TNFRSF10C: variants seen among roughly 807,000 people sequenced by gnomAD.
The protein encoded by TNFRSF10C is TNF receptor superfamily member 10c, also known as tumor necrosis factor receptor superfamily member 10C.
Under a neutral mutation model 16.7 loss-of-function variants are expected in TNFRSF10C, and 17 were observed. The ratio of observed to expected loss-of-function variants is 1.02; its 90% CI spans 0.70 to 1.53. TNFRSF10C has a LOEUF of 1.53. Ranked by LOEUF, TNFRSF10C falls within the 40% of genes most tolerant of loss-of-function variation. The probability of loss-of-function intolerance (pLI) is 0.00; values close to 1 mark genes in which losing one functional copy is unlikely to be tolerated. For synonymous variants in TNFRSF10C, 73 were observed against 119.7 expected (o/e 0.61, Z 2.55); for missense variants, 237 against 329.7 (o/e 0.72, Z 2.18).
chr8:23,115,733 T>TCCAGACCATGGGGGGGGG, intron 4 of TNFRSF10C, 117 bp downstream of exon 4: 1 of 749,068 alleles, frequency 1.3e-6, no homozygotes, highest in African/African-American at 1.8e-5. Flanking sequence ...GGGGTGTCCC[T>TCCAGACCATGGGGGGGGG]GAGCCTGTGG....
intron 1 of TNFRSF10C, among the ~76,000 whole-genome samples, chr8:23,107,426 C>T (rs962891762): frequency 6.6e-6 from 1 of 152,058 alleles, no homozygotes; most frequent in African/African-American, 2.4e-5. Context: ...GGTGGTAGTT[C>T]CACAATGTAT....
chr8:23,105,139 A>G (rs1813752436), intron 1 of TNFRSF10C, among the ~76,000 whole-genome samples: 1 of 152,198 alleles, frequency 6.6e-6, no homozygotes, highest in Non-Finnish European at 1.5e-5. Context: ...CAGGCTGTCA[A>G]GGACTCCTGA....
chr8:23,117,084 G>T lies in TNFRSF10C; in HGVS notation c.*53G>T. 1 of 1,587,830 alleles carries T rather than the reference G, an allele frequency of 6.3e-7. No individual in the cohort carries two copies. The highest frequency in any genetic ancestry group is 8.6e-7 in the Non-Finnish European group (1 of 1,168,404). On this transcript the variant is annotated 3_prime_UTR_variant, in exon 5 of 5. Coordinates refer to ENST00000356864, the MANE Select transcript of TNFRSF10C (RefSeq NM_003841.5). ...CCTTACCTGAAAGGTTCAGGTAGGC[G>T]CTGGCTGAGGGCGGGGGGCGCTGGA...
rs995540240 is a variant in TNFRSF10C at position 23,108,153 on chromosome 8, A to AGAACAGGAAGGAAAGGAAG, written c.61-3541_61-3523dup. Among the ~76,000 whole-genome samples the AGAACAGGAAGGAAAGGAAG allele has an allele frequency of 3.9e-5, 6 of 152,252 alleles. No homozygotes were observed. In the East Asian group the frequency reaches 5.8e-4, roughly 15 times the overall value. On this transcript the variant is annotated intron_variant, in intron 1 of 4. Transcript: ENST00000356864. ...GAGTGAAAGTTTATTAAAAAGCTTT[A>AGAACAGGAAGGAAAGGAAG]GAACAGGAAGGAAAGGAAGGAACAG...
At chr8:23,115,961 C>T (rs1391574462) in intron 4 of TNFRSF10C, among the ~76,000 whole-genome samples, 2 of 152,216 alleles carry the variant, frequency 1.3e-5, no homozygotes, top group East Asian at 3.8e-4. Context: ...ACACTTGAAT[C>T]CAGTCTGGGT....
chr8:23,112,778 T>C (rs1813904011), intron 2 of TNFRSF10C, among the ~76,000 whole-genome samples: 2 of 152,236 alleles, frequency 1.3e-5, no homozygotes, highest in Non-Finnish European at 2.9e-5. Flanking sequence ...CCAATGCATA[T>C]GGGAGGGAAG....
At chr8:23,103,227 G>A (rs765008503) in intron 1 of TNFRSF10C, 46 bp downstream of exon 1, 17 of 1,590,582 alleles carry the variant, frequency 1.1e-5, no homozygotes, top group Non-Finnish European at 1.5e-5. Flanking sequence ...CGCACCTGGC[G>A]CCGGGAGGGG....
intron 1 of TNFRSF10C, among the ~76,000 whole-genome samples, chr8:23,108,108 G>C (rs557660768): frequency 1.3e-5 from 2 of 152,128 alleles, no homozygotes; most frequent in African/African-American, 4.8e-5. Context: ...AAGCAGAGAT[G>C]GAGGCAAGTT....
chr8:23,103,473 G>A (rs1813710392), intron 1 of TNFRSF10C: 1 of 566,416 alleles, frequency 1.8e-6, no homozygotes, highest in Non-Finnish European at 3.2e-6. Context: ...CCCATAGAGT[G>A]AGCCTCCTGA....
chr8:23,108,795 A>C (rs1323174909), intron 1 of TNFRSF10C, among the ~76,000 whole-genome samples: 1 of 152,248 alleles, frequency 6.6e-6, no homozygotes, highest in African/African-American at 2.4e-5. Flanking sequence ...TTTAAAGAGC[A>C]GGAGTGGAAC....
chr8:23,115,676 C>T, intron 4 of TNFRSF10C, 60 bp downstream of exon 4: 2 of 1,374,828 alleles, frequency 1.5e-6, no homozygotes, highest in Non-Finnish European at 2.1e-6. Flanking sequence ...CCTGAGTCAC[C>T]TGGTACCCCT....
chr8:23,117,197 T>A lies in TNFRSF10C; in HGVS notation c.*166T>A, dbSNP rs558057961. 1.9e-6 allele frequency: 2 copies of A among 1,056,130 alleles called. No homozygotes were observed. Among genetic ancestry groups the A allele is most frequent in the African/African-American group, 1.6e-5 (1 of 62,448 alleles). The allele number at this position is 1,056,130 out of a possible 1,614,324, so 65.4% of individuals were successfully genotyped here. Reference sequence around the variant, plus strand: ...AGTCCTGGTGTCTCCAGCCTGGCTCTATCTTCCTCCTTGTGATCGTCCCAT... The same window carrying A: ...AGTCCTGGTGTCTCCAGCCTGGCTCAATCTTCCTCCTTGTGATCGTCCCAT... On this transcript the variant is annotated 3_prime_UTR_variant, in exon 5 of 5. Coordinates refer to ENST00000356864, the MANE Select transcript of TNFRSF10C (RefSeq NM_003841.5).
rs1814007767 is a variant in TNFRSF10C, at chr8:23,117,196, C to G, written c.*165C>G. 9.5e-7 allele frequency: 1 copy of G among 1,057,490 alleles called. No individual in the cohort carries two copies. Among genetic ancestry groups the G allele is most frequent in the Admixed American group, 2.6e-5 (1 of 37,872 alleles). 65.5% of individuals were successfully genotyped at this position (1,057,490 alleles called of 1,614,324 possible). ...AAGTCCTGGTGTCTCCAGCCTGGCT[C>G]TATCTTCCTCCTTGTGATCGTCCCA... On this transcript the variant is annotated 3_prime_UTR_variant, in exon 5 of 5. Transcript: ENST00000356864.
chr8:23,117,248 AC>A lies in TNFRSF10C; in HGVS notation c.*220del. ...CCCCACATCCCGTGCACCCCCCAGG[AC>A]CCTGGTCTCATCAGTCCCTCTCCTG... is the stretch of plus-strand genomic sequence containing the variant. On this transcript the variant is annotated 3_prime_UTR_variant, in exon 5 of 5. Transcript: ENST00000356864. 1.4e-6 allele frequency: 1 copy of A among 706,414 alleles called. No homozygotes were observed. Among genetic ancestry groups the A allele is most frequent in the Admixed American group, 3.0e-5 (1 of 33,676 alleles). 43.8% of individuals were successfully genotyped at this position (706,414 alleles called of 1,614,324 possible).
intron 1 of TNFRSF10C, among the ~76,000 whole-genome samples, chr8:23,105,650 C>T (rs1813761910): frequency 6.6e-6 from 1 of 152,152 alleles, no homozygotes; most frequent in African/African-American, 2.4e-5. Flanking sequence ...GGCTACTCAC[C>T]CAGGCTGTAC....
rs750985941 is a variant in TNFRSF10C at position 23,103,078 on chromosome 8, G to A, written c.-44G>A. On this transcript the variant is annotated 5_prime_UTR_variant, in exon 1 of 5. Transcript: ENST00000356864. ...GCGCCCCGGCCGCCTGATGGCCGAG[G>A]CAGGGTGCGACCCAGGACCCAGGAC... The A allele has an allele frequency of 6.3e-7, 1 of 1,596,798 alleles. No homozygotes were observed. Among genetic ancestry groups the A allele is most frequent in the South Asian group, 1.1e-5 (1 of 88,026 alleles).
chr8:23,117,278 C>A lies in TNFRSF10C; in HGVS notation c.*247C>A. 1 of 599,184 alleles carries A rather than the reference C, an allele frequency of 1.7e-6. No homozygotes were observed. The highest frequency in any genetic ancestry group is 2.9e-6 in the Non-Finnish European group (1 of 350,698). 37.1% of individuals were successfully genotyped at this position (599,184 alleles called of 1,614,324 possible). A position where few individuals can be genotyped will look rare whatever the true frequency, so the allele number is the denominator to read the frequency against. On this transcript the variant is annotated 3_prime_UTR_variant, in exon 5 of 5. Coordinates refer to ENST00000356864, the MANE Select transcript of TNFRSF10C (RefSeq NM_003841.5). ...GGTCTCATCAGTCCCTCTCCTGGAGCTGGGGGTCCACACATCTCCCAGCCA... is the reference window on the plus strand; with the variant it reads ...GGTCTCATCAGTCCCTCTCCTGGAGATGGGGGTCCACACATCTCCCAGCCA...
At chr8:23,104,779 G>C (rs1813745563) in intron 1 of TNFRSF10C, among the ~76,000 whole-genome samples, 1 of 152,168 alleles carries the variant, frequency 6.6e-6, no homozygotes, top group Non-Finnish European at 1.5e-5. Context: ...GTTTCCTCAT[G>C]GTATTAGGAA....
chr8:23,113,682 G>A (rs1367560278), intron 2 of TNFRSF10C, among the ~76,000 whole-genome samples: 2 of 152,170 alleles, frequency 1.3e-5, no homozygotes, highest in Non-Finnish European at 2.9e-5. Flanking sequence ...TTACCATTCA[G>A]TTTTGATTAC....
Sources: gnomAD v4.1 joint callset for allele counts (sites outside exome capture counted in the v4.1 genomes callset) on GRCh38, gnomAD v4.1.1 for gene constraint, MANE v1.5 for transcripts, NCBI Gene and HGNC (gene_info 2026-07-23, HGNC 2026-07-21) for gene names.